The following RCOR1 variants were observed in gnomAD, a reference collection of about 807,000 sequenced individuals.
RCOR1 encodes the protein REST corepressor.
A neutral mutation model predicts 64.0 loss-of-function variants in RCOR1; 12 were observed. The ratio of observed to expected loss-of-function variants is 0.19; its 90% CI spans 0.12 to 0.30. The LOEUF (loss-of-function observed/expected upper bound fraction) is 0.30. Among genes scored for constraint, RCOR1 ranks in the 10% least tolerant of loss-of-function variants. The pLI is 1.00. For synonymous variants in RCOR1, 279 were observed against 227.2 expected, an observed-to-expected ratio of 1.23 and a Z score of -2.05; for missense variants, 502 against 621.2, an observed-to-expected ratio of 0.81 and a Z score of 2.04.
intron 2 of RCOR1, among the ~76,000 whole-genome samples, chr14:102,654,326 A>G (rs544836941): frequency 6.6e-6 from 1 of 152,192 alleles, no homozygotes; most frequent in South Asian, 2.1e-4. Context: ...GACTAATACA[A>G]TAGCCATCAT....
Position 102,729,854 on chromosome 14 carries a change from C to T in RCOR1, c.*3348C>T. ...AAGATGGAGCCAACTCCAACGAGGG[C>T]CTCTTTTTCTCTCTTGTCTAGCCTG... On this transcript the variant is annotated 3_prime_UTR_variant, in exon 12 of 12. Transcript: ENST00000262241. 1 of 399,048 alleles carries T rather than the reference C, an allele frequency of 2.5e-6. No individual in the cohort carries two copies. Among genetic ancestry groups the T allele is most frequent in the Non-Finnish European group, 4.4e-6 (1 of 226,062 alleles). The allele number at this position is 399,048 out of a possible 1,614,324, so 24.7% of individuals were successfully genotyped here.
intron 2 of RCOR1, among the ~76,000 whole-genome samples, chr14:102,679,444 C>T (rs1330337222): frequency 6.7e-6 from 1 of 149,816 alleles, no homozygotes; most frequent in Non-Finnish European, 1.5e-5. Flanking sequence ...ATGTGTGGTT[C>T]TGTTTTTGGA....
rs571853608 is a variant in RCOR1, at chr14:102,655,558, A to G, written c.362-26337A>G. 2.5e-5 allele frequency: 23 copies of G among 904,972 alleles called. No homozygotes were observed. In the South Asian group the frequency reaches 1.1e-3, roughly 42 times the overall value. The allele number at this position is 904,972 out of a possible 1,614,324, so 56.1% of individuals were successfully genotyped here. On this transcript the variant is annotated intron_variant, in intron 2 of 11. Transcript: ENST00000262241. The stretch of plus-strand genomic sequence containing the variant: ...AGAAAGTTGCGAAGATTACAAGCTC[A>G]TATTTGTGAAAGTGTCTGGCACATA...
At position 102,604,289 on chromosome 14, in the gene RCOR1, A is replaced by G. The variant is rs139337605; in HGVS notation, c.361+10964A>G. On this transcript the variant is annotated intron_variant, in intron 2 of 11. Transcript: ENST00000262241. ...AGGTTAAAGTTACAGCTTTGATCCT[A>G]TAATGGTCAGTTAGTTTCCCACGAA... Among the ~76,000 whole-genome samples, 35 of 152,332 alleles carry G rather than the reference A, an allele frequency of 2.3e-4. No individual in the cohort carries two copies. The East Asian group carries it at 6.6e-3, about 29-fold the overall frequency.
At chr14:102,602,065 G>A (rs551548321) in intron 2 of RCOR1, among the ~76,000 whole-genome samples, 2 of 151,864 alleles carry the variant, frequency 1.3e-5, no homozygotes, top group African/African-American at 2.4e-5. Flanking sequence ...AGGCTGAGGC[G>A]GGAGAATTGC....
In RCOR1 at chr14:102,706,114, CAAAAAAAAA is replaced by C. The variant is rs71119732; in HGVS notation, c.499-1217_499-1209del. Reference sequence around the variant, plus strand: ...GGGCAAGGAGAGTGAAACCCTGTCTCAAAAAAAAAAAAAAAAAAAAAAAAAAAACCTAAA... The same window carrying C: ...GGGCAAGGAGAGTGAAACCCTGTCTCAAAAAAAAAAAAAAAAAAACCTAAA... On this transcript the variant is annotated intron_variant, in intron 4 of 11. Coordinates refer to ENST00000262241, the MANE Select transcript of RCOR1 (RefSeq NM_015156.4). Among the ~76,000 whole-genome samples the C allele has an allele frequency of 7.5e-4, 16 of 21,332 alleles. No individual in the cohort carries two copies. In the South Asian group the frequency reaches 0.012, roughly 16 times the overall value. The allele number at this position is 21,332 out of a possible 152,430, so 14.0% of individuals were successfully genotyped here.
At chr14:102,663,065 G>GC (rs1392141939) in intron 2 of RCOR1, among the ~76,000 whole-genome samples, 1 of 152,110 alleles carries the variant, frequency 6.6e-6, no homozygotes, top group Non-Finnish European at 1.5e-5. Context: ...GAATCATGAG[G>GC]CCAGATCTTT....
At chr14:102,610,655 C>T (rs374219842) in intron 2 of RCOR1, among the ~76,000 whole-genome samples, 3 of 152,108 alleles carry the variant, frequency 2.0e-5, no homozygotes, top group African/African-American at 4.8e-5. Flanking sequence ...CTCGCCCACC[C>T]GCGTTCACAC....
intron 2 of RCOR1, among the ~76,000 whole-genome samples, chr14:102,662,050 G>A (rs887569652): frequency 6.6e-6 from 1 of 152,154 alleles, no homozygotes; most frequent in Admixed American, 6.5e-5. Flanking sequence ...CGTGAGCACT[G>A]TGCCCTGCCT....
intron 2 of RCOR1, among the ~76,000 whole-genome samples, chr14:102,663,536 G>A (rs184913073): frequency 1.3e-5 from 2 of 152,322 alleles, no homozygotes; most frequent in East Asian, 3.9e-4. Flanking sequence ...GATATTGGGA[G>A]TAATTGTGTT....
intron 2 of RCOR1, among the ~76,000 whole-genome samples, chr14:102,637,136 T>TTA (rs1555463239): frequency 1.3e-5 from 2 of 151,050 alleles, no homozygotes; most frequent in Non-Finnish European, 3.0e-5. Flanking sequence ...TTTTTATTTT[T>TTA]TTTTTTTTGA....
chr14:102,694,332 C>T (rs1201651481), intron 3 of RCOR1, among the ~76,000 whole-genome samples: 2 of 152,228 alleles, frequency 1.3e-5, no homozygotes, highest in Admixed American at 6.5e-5. Context: ...TCTCAGCTCA[C>T]TGCAACCTCC....
chr14:102,659,082 C>G, intron 2 of RCOR1: 2 of 970,656 alleles, frequency 2.1e-6, no homozygotes, highest in Non-Finnish European at 2.4e-6. Context: ...TTGAAATTCT[C>G]CCACGAGGAA....
intron 2 of RCOR1, among the ~76,000 whole-genome samples, chr14:102,627,668 AAAAC>A (rs1421642818): frequency 6.6e-5 from 10 of 151,854 alleles, no homozygotes; most frequent in Non-Finnish European, 1.0e-4. Flanking sequence ...AAAAAAAAAA[AAAAC>A]ACACACACAC....
intron 2 of RCOR1, among the ~76,000 whole-genome samples, chr14:102,601,618 T>C (rs1893399604): frequency 6.6e-6 from 1 of 152,188 alleles, no homozygotes; most frequent in African/African-American, 2.4e-5. Flanking sequence ...CAAACTGCAG[T>C]GCAGCTTGCA....
chr14:102,691,686 T>TA (rs1449199791), intron 3 of RCOR1, among the ~76,000 whole-genome samples: 1 of 152,360 alleles, frequency 6.6e-6, no homozygotes, highest in Admixed American at 6.5e-5. Context: ...CGTACTAGAA[T>TA]AAACATAGCT....
intron 11 of RCOR1, among the ~76,000 whole-genome samples, chr14:102,724,002 G>A (rs944877369): frequency 1.3e-5 from 2 of 152,040 alleles, no homozygotes; most frequent in African/African-American, 4.8e-5. Flanking sequence ...TTGGATCATT[G>A]GTTGACTGAC....
At chr14:102,620,853 A>G (rs1469617851) in intron 2 of RCOR1, among the ~76,000 whole-genome samples, 3 of 151,848 alleles carry the variant, frequency 2.0e-5, no homozygotes, top group Non-Finnish European at 2.9e-5. Flanking sequence ...CTCTTTCTTT[A>G]TCTCCTTCAC....
At chr14:102,637,376 C>T (rs955422793) in intron 2 of RCOR1, among the ~76,000 whole-genome samples, 1 of 151,940 alleles carries the variant, frequency 6.6e-6, no homozygotes, top group Non-Finnish European at 1.5e-5. Context: ...GATCTACCTG[C>T]CTTGGCCTCC....
Sources: allele counts gnomAD v4.1 joint callset (sites outside exome capture counted in the v4.1 genomes callset), GRCh38; gene constraint gnomAD v4.1.1; transcripts MANE v1.5; gene names NCBI Gene and HGNC (gene_info 2026-07-23, HGNC 2026-07-21).